Variants in OR1A1 observed in about 807,000 individuals in gnomAD.
The protein encoded by OR1A1 is olfactory receptor family 1 subfamily A member 1.
For synonymous variants in OR1A1, 145 were observed against 147.8 expected, an observed-to-expected ratio of 0.98 and a Z score of 0.13; for missense variants, 391 against 379.9, an observed-to-expected ratio of 1.03 and a Z score of -0.24.
chr17:3,212,154 A>T (rs972757620), intron 2 of OR1A1, among the ~76,000 whole-genome samples: 3 of 152,154 alleles, frequency 2.0e-5, no homozygotes, highest in African/African-American at 7.2e-5. Context: ...TCTTTTCAGA[A>T]ATAGGACAAC....
chr17:3,210,161 CA>C (rs1249832066), intron 2 of OR1A1, among the ~76,000 whole-genome samples: 83 of 115,540 alleles, frequency 7.2e-4, no homozygotes, highest in African/African-American at 2.2e-3. Flanking sequence ...TTTTCTTTTC[CA>C]TTTTTTTTTT....
At chr17:3,213,363 G>C (rs886619559) in intron 3 of OR1A1, 1 of 152,112 alleles carries the variant, frequency 6.6e-6, no homozygotes, top group Admixed American at 6.5e-5. Context: ...TCTACCTCCT[G>C]TATCAATGAG....
At chr17:3,213,014 T>G (rs11078443) in intron 3 of OR1A1, 5 of 152,234 alleles carry the variant, frequency 3.3e-5, no homozygotes, top group African/African-American at 1.2e-4. Context: ...GCATAGGGCA[T>G]GAATTTCTGG....
intron 3 of OR1A1, chr17:3,214,619 A>T (rs1008834870): frequency 6.6e-6 from 1 of 152,188 alleles, no homozygotes; most frequent in African/African-American, 2.4e-5. Flanking sequence ...CTTCCCCTAA[A>T]ATCTTGCCCT....
intron 3 of OR1A1, 23 bp downstream of exon 3, chr17:3,212,622 A>G (rs1042793327): frequency 6.6e-6 from 1 of 152,160 alleles, no homozygotes; most frequent in Non-Finnish European, 1.5e-5. Flanking sequence ...TATTTGAAGA[A>G]GGGGGAGGGC....
Position 3,216,090 on chromosome 17 carries a change from TC to T in OR1A1, c.475del (p.His159ThrfsTer27). On this transcript the variant is annotated frameshift_variant, in exon 4 of 4. Transcript: ENST00000641732. LOFTEE classifies it high-confidence loss of function. ...TGGGTGATTGGAAATGCCAATGCCC[TC>T]CCCCACACTCTGCTCACAGCTAGTC... ...GSWVIGNANA[L>X]PHTLLTASLS... is the part of the protein sequence containing the mutation. The T allele has an allele frequency of 6.2e-7, 1 of 1,614,092 alleles. No homozygotes were observed.
rs1055529352 is a variant in OR1A1, at chr17:3,208,568, T to G, written c.-556-13T>G. On this transcript the variant is annotated splice_polypyrimidine_tract_variant and intron_variant, in intron 1 of 3. Transcript: ENST00000641732. ...CAGATAAGGGGAAACACTTGCCTCCTCTGTCCCTGCAGAATTGTTCTCAGC... is the reference window on the plus strand; with the variant it reads ...CAGATAAGGGGAAACACTTGCCTCCGCTGTCCCTGCAGAATTGTTCTCAGC... The G allele has an allele frequency of 1.6e-4, 25 of 152,322 alleles. No homozygotes were observed. Among genetic ancestry groups the G allele is most frequent in the African/African-American group, 5.8e-4 (24 of 41,564 alleles). 9.4% of individuals were successfully genotyped at this position (152,322 alleles called of 1,614,324 possible).
At chr17:3,212,814 G>A (rs1222415291) in intron 3 of OR1A1, 1 of 152,260 alleles carries the variant, frequency 6.6e-6, no homozygotes, top group Non-Finnish European at 1.5e-5. Flanking sequence ...GAAAGAAAGA[G>A]GATAGCTCTC....
Position 3,216,332 on chromosome 17 carries a change from T to C in OR1A1, c.712T>C (p.Ser238Pro). Residue 238 changes from serine (S) to proline (P), a missense_variant, in exon 4 of 4, where the codon TCC becomes CCC. Physicochemically the swap from Ser to Pro is moderately conservative, Grantham distance 74. Transcript: ENST00000641732. ...PSTKGVLKAF[S>P]TCGSHLTVVS... ...CACCAAGGGCGTGCTCAAGGCCTTC[T>C]CCACCTGTGGTTCCCACCTCACGGT... 6.2e-7 allele frequency: 1 copy of C among 1,614,210 alleles called. No individual in the cohort carries two copies.
In OR1A1 at chr17:3,218,391, C is replaced by T. The variant is rs570244731; in HGVS notation, c.*1841C>T. 1 of 152,286 alleles carries T rather than the reference C, an allele frequency of 6.6e-6. No homozygotes were observed. Among genetic ancestry groups the T allele is most frequent in the South Asian group, 2.1e-4 (1 of 4,812 alleles). 9.4% of individuals were successfully genotyped at this position (152,286 alleles called of 1,614,324 possible). A position where few individuals can be genotyped will look rare whatever the true frequency, so the allele number is the denominator to read the frequency against. On this transcript the variant is annotated 3_prime_UTR_variant, in exon 4 of 4. Coordinates refer to ENST00000641732, the MANE Select transcript of OR1A1 (RefSeq NM_014565.3). ...CCTCAAGGATCTAGAACCACAAATA[C>T]CATTTGATCCAGTGATCCCATTACT...
At chr17:3,213,644 C>A (rs934015738) in intron 3 of OR1A1, 2 of 152,142 alleles carry the variant, frequency 1.3e-5, no homozygotes, top group African/African-American at 4.8e-5. Context: ...GGGAGGTTCT[C>A]CTGAGTGTGG....
intron 2 of OR1A1, among the ~76,000 whole-genome samples, chr17:3,209,455 T>C (rs2048430222): frequency 6.6e-6 from 1 of 152,176 alleles, no homozygotes; most frequent in Non-Finnish European, 1.5e-5. Flanking sequence ...AAACCCTGTC[T>C]CTACAAAAAT....
Position 3,217,847 on chromosome 17 carries a change from C to A in OR1A1, c.*1297C>A, listed in dbSNP as rs895788522. 6.6e-6 allele frequency: 1 copy of A among 152,164 alleles called. No individual in the cohort carries two copies. The highest frequency in any genetic ancestry group is 1.5e-5 in the Non-Finnish European group (1 of 68,044). The allele number at this position is 152,164 out of a possible 1,614,324, so 9.4% of individuals were successfully genotyped here. A position where few individuals can be genotyped will look rare whatever the true frequency, so the allele number is the denominator to read the frequency against. ...ACCTTAGAAGAAAACGTAGGCAATA[C>A]CATTCAGGACATAGGCATGGGCAAA... On this transcript the variant is annotated 3_prime_UTR_variant, in exon 4 of 4. Coordinates refer to ENST00000641732, the MANE Select transcript of OR1A1 (RefSeq NM_014565.3).
rs373941929 is a variant in OR1A1 at position 3,211,830 on chromosome 17, A to G, written c.-138-637A>G. On this transcript the variant is annotated intron_variant, in intron 2 of 3. Coordinates refer to ENST00000641732, the MANE Select transcript of OR1A1 (RefSeq NM_014565.3). ...TCACTAAAGTTTATTTTTTAAATCA[A>G]TTTTGGATCTCTTATTAGAATTATT... is the stretch of plus-strand genomic sequence containing the variant. 5.3e-5 allele frequency among the ~76,000 whole-genome samples: 8 copies of G among 152,256 alleles called. No homozygotes were observed. In the East Asian group the frequency reaches 5.8e-4, roughly 11 times the overall value.
chr17:3,215,828 G>A lies in OR1A1; in HGVS notation c.208G>A (p.Asp70Asn). 3 of 1,614,120 alleles carry A rather than the reference G, an allele frequency of 1.9e-6. No homozygotes were observed. Among genetic ancestry groups the A allele is most frequent in the South Asian group, 1.1e-5 (1 of 91,066 alleles). The change falls in exon 4 of 4, where the codon GAC (aspartate) becomes AAC (asparagine). Residue 70 changes from aspartate (D) to asparagine (N), a missense_variant. Physicochemically the swap from Asp to Asn is conservative, Grantham distance 23. Transcript: ENST00000641732. ...YFLLANLSLV[D>N]IFFSSVTIPK... The stretch of plus-strand genomic sequence containing the variant: ...TCTCCTTGCCAACCTCTCCTTGGTT[G>A]ACATCTTCTTCTCATCGGTAACCAT...
chr17:3,210,779 T>C (rs1039463802), intron 2 of OR1A1, among the ~76,000 whole-genome samples: 1 of 152,002 alleles, frequency 6.6e-6, no homozygotes, highest in African/African-American at 2.4e-5. Flanking sequence ...CTAATTTTTG[T>C]GTTTTTAGTA....
chr17:3,216,464 A>T lies in OR1A1; in HGVS notation c.844A>T (p.Met282Leu), dbSNP rs148724990. Residue 282 changes from methionine to leucine, a missense_variant, in exon 4 of 4, where the codon ATG (methionine) becomes TTG (leucine). By Grantham distance (15) the Met-to-Leu change is conservative. Coordinates refer to ENST00000641732, the MANE Select transcript of OR1A1 (RefSeq NM_014565.3). ...ITVMYTAVTP[M>L]LNPFIYSLRN... is the part of the protein sequence containing the mutation. ...TGTAATGTACACGGCAGTGACCCCA[A>T]TGTTAAATCCTTTCATCTACAGTCT... 1.2e-6 allele frequency: 2 copies of T among 1,614,100 alleles called. No individual in the cohort carries two copies. The highest frequency in any genetic ancestry group is 1.7e-6 in the Non-Finnish European group (2 of 1,179,968).
chr17:3,215,331 T>C, intron 3 of OR1A1: 1 of 372,386 alleles, frequency 2.7e-6, no homozygotes, highest in South Asian at 5.5e-5. Flanking sequence ...ATTTGTTATA[T>C]GATTAATTTC....
rs1455836972 is a variant in OR1A1, at chr17:3,215,707, C to G, written c.87C>G (p.Ile29Met). The part of the protein sequence containing the change: ...GQQEQEDFFY[I>M]LFLFIYPITL... Reference sequence around the variant, plus strand: ...AGGAACAGGAAGATTTCTTCTACATCCTCTTCTTGTTCATTTACCCCATCA... The same window carrying G: ...AGGAACAGGAAGATTTCTTCTACATGCTCTTCTTGTTCATTTACCCCATCA... Residue 29 changes from isoleucine (I) to methionine (M), a missense_variant, in exon 4 of 4, where the codon ATC becomes ATG. By Grantham distance (10) the Ile-to-Met change is conservative. Transcript: ENST00000641732. The G allele has an allele frequency of 6.2e-7, 1 of 1,613,462 alleles. No homozygotes were observed. The highest frequency in any genetic ancestry group is 1.3e-5 in the African/African-American group (1 of 74,916).
Sources: allele counts gnomAD v4.1 joint callset (sites outside exome capture counted in the v4.1 genomes callset), GRCh38; gene constraint gnomAD v4.1.1; transcripts MANE v1.5; gene names NCBI Gene and HGNC (gene_info 2026-07-23, HGNC 2026-07-21).